The following SMAD9 variants were observed in gnomAD, a reference collection of about 807,000 sequenced individuals.
SMAD9 encodes MAD homolog 9.
Under a neutral mutation model 46.1 loss-of-function variants are expected in SMAD9, and 36 were observed. The ratio of observed to expected loss-of-function variants is 0.78; its 90% CI spans 0.60 to 1.03. SMAD9 has a LOEUF of 1.03. Among genes scored for constraint, SMAD9 ranks in the 50% least tolerant of loss-of-function variants. SMAD9 has a pLI of 0.00. For missense variants in SMAD9, 572 were observed against 599.8 expected (o/e 0.95, Z 0.48); for synonymous variants, 245 against 237.1 (o/e 1.03, Z -0.31).
In SMAD9 at chr13:36,920,121, G is replaced by C. The variant is rs1395078646; in HGVS notation, c.-192C>G. On this transcript the variant is annotated 5_prime_UTR_variant, in exon 1 of 7. Transcript: ENST00000379826. ...TCCGAGCGCCGCGCACTCACTGCCT[G>C]GCTGCGCGCGCCCAGCGCCTGCAGG... 1.3e-5 allele frequency: 2 copies of C among 150,490 alleles called. No homozygotes were observed. Among genetic ancestry groups the C allele is most frequent in the Admixed American group, 6.7e-5 (1 of 14,980 alleles). The allele number at this position is 150,490 out of a possible 1,614,324, so 9.3% of individuals were successfully genotyped here.
chr13:36,898,522 C>G lies in SMAD9; in HGVS notation c.-186-18647G>C, dbSNP rs566791938. 3.9e-4 allele frequency among the ~76,000 whole-genome samples: 59 copies of G among 152,112 alleles called. 1 individual carries two copies. The South Asian group carries it at 8.5e-3, about 22-fold the overall frequency. On this transcript the variant is annotated intron_variant, in intron 1 of 6. Coordinates refer to ENST00000379826, the MANE Select transcript of SMAD9 (RefSeq NM_001127217.3). ...GTACACATCCTTAACAAAATATTAG[C>G]AAATCACACCCAGCAGTATAGAAAG...
chr13:36,851,484 T>C (rs1395474448), intron 6 of SMAD9: 1 of 152,398 alleles, frequency 6.6e-6, no homozygotes, highest in Admixed American at 6.6e-5. Context: ...TTTCCATCCT[T>C]CTTCTGTGTT....
chr13:36,918,021 T>C (rs1297128106), intron 1 of SMAD9, among the ~76,000 whole-genome samples: 2 of 152,244 alleles, frequency 1.3e-5, no homozygotes, highest in African/African-American at 4.8e-5. Flanking sequence ...TTATTACTTA[T>C]GGATATCTTT....
At position 36,853,599 on chromosome 13, in the gene SMAD9, C is replaced by A; in HGVS notation, c.1080G>T (p.Arg360=). Residue 360 remains arginine (R), a synonymous_variant, in exon 6 of 7, where the codon CGG becomes CGT. Coordinates refer to ENST00000379826, the MANE Select transcript of SMAD9 (RefSeq NM_001127217.3). ...GGAAGCCGTGTTGATAGTTGCAGTTCCGGCTCTGCACAAAGATGCTGCTGT... is the reference window on the plus strand; with the variant it reads ...GGAAGCCGTGTTGATAGTTGCAGTTACGGCTCTGCACAAAGATGCTGCTGT... ...VSDSSIFVQS[R]NCNYQHGFHP... 1 of 1,614,096 alleles carries A rather than the reference C, an allele frequency of 6.2e-7. No homozygotes were observed. Among genetic ancestry groups the A allele is most frequent in the Non-Finnish European group, 8.5e-7 (1 of 1,180,014 alleles).
chr13:36,915,537 A>ATT, intron 1 of SMAD9, among the ~76,000 whole-genome samples: 1 of 152,174 alleles, frequency 6.6e-6, no homozygotes, highest in Non-Finnish European at 1.5e-5. Context: ...GTACCAAAGA[A>ATT]TGAGACAAAG....
At chr13:36,878,652 T>C (rs1452914403) in intron 2 of SMAD9, among the ~76,000 whole-genome samples, 2 of 152,166 alleles carry the variant, frequency 1.3e-5, no homozygotes, top group Admixed American at 6.5e-5. Flanking sequence ...ACATGAGATA[T>C]CTTCTACTTA....
intron 1 of SMAD9, among the ~76,000 whole-genome samples, chr13:36,917,899 TTGAG>T (rs1017159096): frequency 7.9e-5 from 12 of 152,338 alleles, no homozygotes; most frequent in African/African-American, 2.9e-4. Context: ...GGAAAACATA[TTGAG>T]TATTTTCATA....
Position 36,879,579 on chromosome 13 carries a change from T to C in SMAD9, c.111A>G (p.Ala37=), listed in dbSNP as rs746336504. The C allele has an allele frequency of 1.4e-5, 23 of 1,614,094 alleles. No individual in the cohort carries two copies. The Admixed American group carries it at 2.7e-4, about 19-fold the overall frequency. Residue 37 remains alanine, a synonymous_variant, in exon 2 of 7, where the codon GCA becomes GCG. Transcript: ENST00000379826. ...GDEEEKWAEK[A]VDSLVKKLKK... Reference sequence around the variant, plus strand: ...TTAACTTCTTCACTAGAGAGTCCACTGCCTTCTCTGCCCACTTTTCCTCTT... The same window carrying C: ...TTAACTTCTTCACTAGAGAGTCCACCGCCTTCTCTGCCCACTTTTCCTCTT...
intron 4 of SMAD9, 131 bp from the exon 5 acceptor site, chr13:36,865,889 C>A: frequency 1.3e-6 from 1 of 747,838 alleles, no homozygotes; most frequent in South Asian, 1.6e-5. Flanking sequence ...TGCCGCTCTG[C>A]AATCTTTTAG....
intron 1 of SMAD9, among the ~76,000 whole-genome samples, chr13:36,903,872 C>A (rs1289178166): frequency 6.6e-6 from 1 of 151,920 alleles, no homozygotes; most frequent in East Asian, 1.9e-4. Flanking sequence ...GAACAGAAGG[C>A]AGTGAAGAAA....
Position 36,847,579 on chromosome 13 carries a change from G to A in SMAD9, c.*1097C>T, listed in dbSNP as rs751376629. The A allele has an allele frequency of 6.6e-6, 1 of 152,190 alleles. No homozygotes were observed. The highest frequency in any genetic ancestry group is 1.9e-4 in the East Asian group (1 of 5,196). The allele number at this position is 152,190 out of a possible 1,614,324, so 9.4% of individuals were successfully genotyped here. ...CAGGTTAGATAATCACTAGACACTA[G>A]GTTAAATAACTCATTGATCCAATAA... On this transcript the variant is annotated 3_prime_UTR_variant, in exon 7 of 7. Coordinates refer to ENST00000379826, the MANE Select transcript of SMAD9 (RefSeq NM_001127217.3).
rs190965488 is a variant in SMAD9, at chr13:36,877,615, T to C, written c.412+1663A>G. 8.1e-4 allele frequency among the ~76,000 whole-genome samples: 123 copies of C among 152,304 alleles called. 2 individuals are homozygous for C. The highest frequency in any genetic ancestry group is 5.6e-3 in the Admixed American group (86 of 15,300). On this transcript the variant is annotated intron_variant, in intron 2 of 6. Coordinates refer to ENST00000379826, the MANE Select transcript of SMAD9 (RefSeq NM_001127217.3). ...ATTTTTGTTATAAGCTTAGACATTA[T>C]TGACTTTTTTTTTTAAGTAAGCGAA... is the stretch of plus-strand genomic sequence containing the variant.
intron 1 of SMAD9, among the ~76,000 whole-genome samples, chr13:36,905,813 A>AAAAAAAAAAAC (rs2058615659): frequency 9.0e-6 from 1 of 110,916 alleles, no homozygotes; most frequent in South Asian, 2.9e-4. Context: ...AAAAAAAAAA[A>AAAAAAAAAAAC]AACTTATATC....
At chr13:36,897,035 A>G (rs760312110) in intron 1 of SMAD9, among the ~76,000 whole-genome samples, 102 of 151,568 alleles carry the variant, frequency 6.7e-4, no homozygotes, top group Non-Finnish European at 1.3e-3. Flanking sequence ...GGTTTTCAAC[A>G]GCTTCAAAGT....
At chr13:36,872,550 T>C in intron 3 of SMAD9, 108 bp downstream of exon 3, 2 of 1,287,564 alleles carry the variant, frequency 1.6e-6, no homozygotes, top group Non-Finnish European at 2.2e-6. Flanking sequence ...AAACTGTTTA[T>C]ACTATATGAA....
At chr13:36,902,152 T>C (rs1427503309) in intron 1 of SMAD9, among the ~76,000 whole-genome samples, 2 of 152,204 alleles carry the variant, frequency 1.3e-5, no homozygotes, top group African/African-American at 4.8e-5. Flanking sequence ...CAGTCAACTT[T>C]TATATCTAGT....
At chr13:36,878,273 A>G (rs1378191950) in intron 2 of SMAD9, among the ~76,000 whole-genome samples, 1 of 152,210 alleles carries the variant, frequency 6.6e-6, no homozygotes, top group Admixed American at 6.5e-5. Flanking sequence ...AGGGACCAAT[A>G]TAAGACAGTG....
At position 36,848,470 on chromosome 13, in the gene SMAD9, C is replaced by G; in HGVS notation, c.*206G>C. ...AAATCTGCTGCTTATAGCACAGGCA[C>G]CAAAGTCCTGCTTTTCCAATTGCAC... On this transcript the variant is annotated 3_prime_UTR_variant, in exon 7 of 7. Coordinates refer to ENST00000379826, the MANE Select transcript of SMAD9 (RefSeq NM_001127217.3). 1 of 599,442 alleles carries G rather than the reference C, an allele frequency of 1.7e-6. No individual in the cohort carries two copies. The highest frequency in any genetic ancestry group is 2.0e-5 in the South Asian group (1 of 50,672). The allele number at this position is 599,442 out of a possible 1,614,324, so 37.1% of individuals were successfully genotyped here. A position where few individuals can be genotyped will look rare whatever the true frequency, so the allele number is the denominator to read the frequency against.
In SMAD9 at chr13:36,876,831, T is replaced by A. The variant is rs1220622474; in HGVS notation, c.412+2447A>T. ...AGCAAACTTGTTTAACATTAACATT[T>A]TTATTATTCCTAAAATATTTACTTT... On this transcript the variant is annotated intron_variant, in intron 2 of 6. Transcript: ENST00000379826. 2.0e-5 allele frequency among the ~76,000 whole-genome samples: 3 copies of A among 152,150 alleles called. No individual in the cohort carries two copies. The East Asian group carries it at 5.8e-4, about 29-fold the overall frequency.
Sources: gnomAD v4.1 joint callset for allele counts (sites outside exome capture counted in the v4.1 genomes callset) on GRCh38, gnomAD v4.1.1 for gene constraint, MANE v1.5 for transcripts, NCBI Gene and HGNC (gene_info 2026-07-23, HGNC 2026-07-21) for gene names.